Variants in SPECC1 observed in about 807,000 individuals in gnomAD.
The protein encoded by SPECC1 is sperm antigen with calponin homology and coiled-coil domains 1, also known as cytospin-B.
In SPECC1, 62 loss-of-function variants were observed where a neutral mutation model predicts 104.1. The observed-to-expected ratio is 0.60, with a 90% CI of 0.49 to 0.74. The LOEUF (loss-of-function observed/expected upper bound fraction) is 0.74, where lower values mean the gene tolerates loss of function less well. Among genes scored for constraint, SPECC1 ranks in the 30% least tolerant of loss-of-function variants. The probability of loss-of-function intolerance (pLI) is 0.00; values close to 1 mark genes in which losing one functional copy is unlikely to be tolerated. For synonymous variants in SPECC1, 513 were observed against 501.6 expected, an observed-to-expected ratio of 1.02 and a Z score of -0.30; for missense variants, 1,306 against 1,310.5, an observed-to-expected ratio of 1.00 and a Z score of 0.05.
At chr17:20,062,069 G>A (rs2046203239) in intron 1 of SPECC1, among the ~76,000 whole-genome samples, 1 of 151,824 alleles carries the variant, frequency 6.6e-6, no homozygotes, top group South Asian at 2.1e-4. Context: ...GGCTAGCACG[G>A]TGAAACCCCG....
At chr17:20,287,747 G>A (rs2041006996) in intron 12 of SPECC1, among the ~76,000 whole-genome samples, 1 of 135,704 alleles carries the variant, frequency 7.4e-6, no homozygotes, top group Non-Finnish European at 1.5e-5. Context: ...AGTACACATA[G>A]CTTTTTTTTT....
chr17:20,019,500 G>A (rs1000112208), intron 1 of SPECC1, among the ~76,000 whole-genome samples: 2 of 152,122 alleles, frequency 1.3e-5, no homozygotes, highest in Non-Finnish European at 2.9e-5. Context: ...GCAGCCTTGA[G>A]AGGGTGTCAG....
chr17:20,092,495 G>A (rs2047444328), intron 1 of SPECC1, among the ~76,000 whole-genome samples: 1 of 152,122 alleles, frequency 6.6e-6, no homozygotes, highest in Non-Finnish European at 1.5e-5. Context: ...CTGCAGGTGT[G>A]TTTCCCTCGC....
intron 3 of SPECC1, among the ~76,000 whole-genome samples, chr17:20,201,697 G>C (rs1051217749): frequency 2.0e-5 from 3 of 152,146 alleles, no homozygotes; most frequent in Non-Finnish European, 4.4e-5. Flanking sequence ...TTAGTGCTTA[G>C]TGGTTTTTAA....
intron 1 of SPECC1, among the ~76,000 whole-genome samples, chr17:20,023,348 T>A (rs1255275625): frequency 6.6e-6 from 1 of 152,202 alleles, no homozygotes; most frequent in Non-Finnish European, 1.5e-5. Context: ...ACATAACATT[T>A]TGCTAATGAA....
chr17:20,209,973 C>T (rs189277978), intron 4 of SPECC1, among the ~76,000 whole-genome samples: 119 of 152,194 alleles, frequency 7.8e-4, no homozygotes, highest in Middle Eastern at 3.4e-3. Context: ...AACTTCAGTC[C>T]GCTTCCAGAA....
chr17:20,174,248 C>G (rs2034303458), intron 3 of SPECC1, among the ~76,000 whole-genome samples: 1 of 151,428 alleles, frequency 6.6e-6, no homozygotes, highest in South Asian at 2.1e-4. Flanking sequence ...AGTTTTGACC[C>G]CTGTTTAAAA....
chr17:20,242,790 GATA>G (rs1354099632), intron 7 of SPECC1, among the ~76,000 whole-genome samples: 10 of 152,218 alleles, frequency 6.6e-5, no homozygotes, highest in Middle Eastern at 3.4e-3. Flanking sequence ...TAAAATAAGG[GATA>G]ATAATATCTA....
chr17:20,074,434 T>TA (rs2046677529), intron 1 of SPECC1, among the ~76,000 whole-genome samples: 1 of 152,252 alleles, frequency 6.6e-6, no homozygotes, highest in African/African-American at 2.4e-5. Flanking sequence ...GGGCTGAAGA[T>TA]ACCTTAAAAT....
chr17:20,228,933 TC>T (rs2038401014), intron 5 of SPECC1, among the ~76,000 whole-genome samples: 1 of 152,218 alleles, frequency 6.6e-6, no homozygotes, highest in Non-Finnish European at 1.5e-5. Context: ...CCTGAGAAGT[TC>T]CTTACCCCAT....
chr17:20,052,545 T>G (rs1197354357), intron 1 of SPECC1, among the ~76,000 whole-genome samples: 3 of 152,222 alleles, frequency 2.0e-5, no homozygotes, highest in Admixed American at 6.5e-5. Flanking sequence ...TTATCCATAC[T>G]ACTAGAGGCC....
At chr17:20,213,595 G>C (rs1208492960) in intron 4 of SPECC1, among the ~76,000 whole-genome samples, 1 of 152,210 alleles carries the variant, frequency 6.6e-6, no homozygotes, top group African/African-American at 2.4e-5. Flanking sequence ...GAAATTCACA[G>C]TGAAAACCTG....
intron 12 of SPECC1, among the ~76,000 whole-genome samples, chr17:20,270,116 T>C (rs1033017129): frequency 6.6e-6 from 1 of 151,874 alleles, no homozygotes; most frequent in Non-Finnish European, 1.5e-5. Context: ...GAGAGGGCAA[T>C]AGGGACTGGA....
chr17:20,172,155 G>A (rs1245008921), intron 3 of SPECC1, among the ~76,000 whole-genome samples: 2 of 152,208 alleles, frequency 1.3e-5, no homozygotes, highest in Admixed American at 6.5e-5. Flanking sequence ...CCTGGCACCT[G>A]TGGAAGGTGT....
At chr17:20,085,800 C>G (rs1372647070) in intron 1 of SPECC1, among the ~76,000 whole-genome samples, 1 of 152,230 alleles carries the variant, frequency 6.6e-6, no homozygotes, top group Non-Finnish European at 1.5e-5. Context: ...ATGGCGGACT[C>G]CCGCTGCATG....
At chr17:20,193,787 A>G (rs543619626) in intron 3 of SPECC1, among the ~76,000 whole-genome samples, 2 of 152,368 alleles carry the variant, frequency 1.3e-5, no homozygotes, top group Admixed American at 1.3e-4. Flanking sequence ...GAACTGGGCA[A>G]CTGTTGGAAT....
intron 1 of SPECC1, among the ~76,000 whole-genome samples, chr17:20,027,196 T>G (rs958336544): frequency 1.1e-4 from 17 of 152,232 alleles, no homozygotes; most frequent in African/African-American, 3.9e-4. Flanking sequence ...AGTGTGGTAC[T>G]GGCAGAATGA....
At chr17:20,135,832 G>A (rs921687129) in intron 3 of SPECC1, among the ~76,000 whole-genome samples, 13 of 152,192 alleles carry the variant, frequency 8.5e-5, no homozygotes, top group Non-Finnish European at 1.5e-4. Flanking sequence ...AGACTTGCAC[G>A]TAGTCAATGC....
At chr17:20,245,811 A>C in intron 7 of SPECC1, 115 bp from the exon 8 acceptor site, 4 of 1,225,254 alleles carry the variant, frequency 3.3e-6, no homozygotes, top group South Asian at 1.7e-5. Flanking sequence ...TAAATTCAGA[A>C]TTTCCCTTCC....
Sources: allele counts gnomAD v4.1 joint callset (sites outside exome capture counted in the v4.1 genomes callset), GRCh38; gene constraint gnomAD v4.1.1; transcripts MANE v1.5; gene names NCBI Gene and HGNC (gene_info 2026-07-23, HGNC 2026-07-21).